The following ZNF443 variants were observed in gnomAD, a reference collection of about 807,000 sequenced individuals.
The protein encoded by ZNF443 is Kruppel-type zinc finger (C2H2).
Under a neutral mutation model 12.0 loss-of-function variants are expected in ZNF443, and 3 were observed. That is an observed-to-expected ratio of 0.25 (90% CI 0.11 to 0.64). The LOEUF is 0.64. Among genes scored for constraint, ZNF443 ranks in the 30% least tolerant of loss-of-function variants. The probability of loss-of-function intolerance (pLI) is 0.84; values close to 1 mark genes in which losing one functional copy is unlikely to be tolerated. For missense variants in ZNF443, 770 were observed against 808.8 expected (o/e 0.95, Z 0.58); for synonymous variants, 225 against 265.9 (o/e 0.85, Z 1.50).
rs956895903 is a variant in ZNF443, at chr19:12,431,771, T to A, written c.401A>T (p.His134Leu). 20 of 1,614,048 alleles carry A rather than the reference T, an allele frequency of 1.2e-5. No individual in the cohort carries two copies. The highest frequency in any genetic ancestry group is 1.2e-4 in the Admixed American group (7 of 60,004). ...CGTATCTGGCTTCTCTCCACATTCATGATACTCATGTGGTTTGTGCCCAGC... is the reference window on the plus strand; with the variant it reads ...CGTATCTGGCTTCTCTCCACATTCAAGATACTCATGTGGTTTGTGCCCAGC... ...VGAGHKPHEYHECGEKPDTHK... is the reference protein window; with the variant it reads ...VGAGHKPHEYLECGEKPDTHK... Residue 134 changes from histidine (H) to leucine (L), a missense_variant, in exon 4 of 4, where the codon CAT becomes CTT. His to Leu is a moderately conservative substitution (Grantham distance 99). Coordinates refer to ENST00000301547, the MANE Select transcript of ZNF443 (RefSeq NM_005815.5).
chr19:12,430,355 TG>T lies in ZNF443; in HGVS notation c.1816del (p.His606MetfsTer104). ...AFTHSRFLQG[H>X]EKTHTGENPY... The stretch of plus-strand genomic sequence containing the variant: ...GTTCTCTCCAGTATGAGTTTTTTCA[TG>T]TCCTTGAAGAAAACGGGAATGAGTG... On this transcript the variant is annotated frameshift_variant, in exon 4 of 4. Transcript: ENST00000301547. LOFTEE classifies it low-confidence loss of function (END_TRUNC). 1 of 1,613,758 alleles carries T rather than the reference TG, an allele frequency of 6.2e-7. No homozygotes were observed. The highest frequency in any genetic ancestry group is 1.7e-5 in the Admixed American group (1 of 59,990).
rs769363844 is a variant in ZNF443 at position 12,431,032 on chromosome 19, C to T, written c.1140G>A (p.Leu380=). ...CGKGFDCPSS[L]QSHERTHTGE... ...CAGTGTGAGTTCTTTCATGACTTTGCAGTGAACTAGGACAATCAAAGCCTT... is the reference window on the plus strand; with the variant it reads ...CAGTGTGAGTTCTTTCATGACTTTGTAGTGAACTAGGACAATCAAAGCCTT... Residue 380 remains leucine (L), a synonymous_variant, in exon 4 of 4, where the codon CTG becomes CTA. Transcript: ENST00000301547. 1 of 1,612,270 alleles carries T rather than the reference C, an allele frequency of 6.2e-7. No homozygotes were observed. The highest frequency in any genetic ancestry group is 1.1e-5 in the South Asian group (1 of 90,976).
At chr19:12,435,473 C>T (rs1221849443) in intron 1 of ZNF443, among the ~76,000 whole-genome samples, 2 of 152,214 alleles carry the variant, frequency 1.3e-5, no homozygotes, top group Non-Finnish European at 2.9e-5. Flanking sequence ...TATCAGGGTA[C>T]TCAAAAGCAC....
intron 1 of ZNF443, among the ~76,000 whole-genome samples, chr19:12,436,035 T>C (rs1970304500): frequency 6.6e-6 from 1 of 151,776 alleles, no homozygotes; most frequent in East Asian, 1.9e-4. Context: ...ATAATTGAGA[T>C]AAGCCATCTC....
chr19:12,438,945 T>A (rs1970339907), intron 1 of ZNF443, among the ~76,000 whole-genome samples: 1 of 151,528 alleles, frequency 6.6e-6, no homozygotes, highest in South Asian at 2.1e-4. Context: ...CTGAAAAGAG[T>A]AAACATATCT....
chr19:12,434,918 T>C (rs1189784521), intron 1 of ZNF443, among the ~76,000 whole-genome samples: 1 of 149,910 alleles, frequency 6.7e-6, no homozygotes, highest in Non-Finnish European at 1.5e-5. Flanking sequence ...CCAATCTGTA[T>C]AAGCACTATC....
In ZNF443 at chr19:12,430,277, T is replaced by C. The variant is rs1201717103; in HGVS notation, c.1895A>G (p.His632Arg). 2 of 1,613,880 alleles carry C rather than the reference T, an allele frequency of 1.2e-6. No individual in the cohort carries two copies. Among genetic ancestry groups the C allele is most frequent in the Non-Finnish European group, 1.7e-6 (2 of 1,179,900 alleles). ...TTTCCAGTGAGTCTTTTTATGTCTA[T>C]GCAAGGAACTGAGAGAAGCAAATGC... ...GKAFASLSSLHRHKKTHWKKT... is the reference protein window; with the variant it reads ...GKAFASLSSLRRHKKTHWKKT... The change falls in exon 4 of 4, where the codon CAT becomes CGT. Residue 632 changes from histidine to arginine, a missense_variant. His to Arg is a conservative substitution (Grantham distance 29, BLOSUM62 0). Transcript: ENST00000301547.
Position 12,431,578 on chromosome 19 carries a change from T to A in ZNF443, c.594A>T (p.Lys198Asn), listed in dbSNP as rs1414474035. ...MAVQRGDGPY[K>N]CKLCGKAFFW... is the part of the protein sequence containing the mutation. ...AAAACGCTTTCCCACACAACTTACA[T>A]TTATAAGGTCCATCTCCACGCTGCA... The change falls in exon 4 of 4, where the codon AAA becomes AAT. Residue 198 changes from lysine (K) to asparagine (N), a missense_variant. Transcript: ENST00000301547. 6 of 1,614,040 alleles carry A rather than the reference T, an allele frequency of 3.7e-6. No homozygotes were observed. Among genetic ancestry groups the A allele is most frequent in the Middle Eastern group, 3.3e-4 (2 of 6,084 alleles).
intron 1 of ZNF443, among the ~76,000 whole-genome samples, chr19:12,433,578 T>C (rs1181937502): frequency 2.0e-5 from 3 of 152,172 alleles, no homozygotes; most frequent in African/African-American, 7.2e-5. Flanking sequence ...TCCTTACAAA[T>C]GCTTTTTCAC....
At chr19:12,436,449 C>G (rs1183503466) in intron 1 of ZNF443, among the ~76,000 whole-genome samples, 1 of 151,684 alleles carries the variant, frequency 6.6e-6, no homozygotes, top group African/African-American at 2.4e-5. Flanking sequence ...CACTGCACTT[C>G]AGCCTGGGCA....
chr19:12,430,944 T>A lies in ZNF443; in HGVS notation c.1228A>T (p.Ser410Cys), dbSNP rs745672601. 2 of 1,613,758 alleles carry A rather than the reference T, an allele frequency of 1.2e-6. No individual in the cohort carries two copies. Among genetic ancestry groups the A allele is most frequent in the East Asian group, 4.5e-5 (2 of 44,858 alleles). Residue 410 changes from serine (S) to cysteine (C), a missense_variant, in exon 4 of 4, where the codon AGT (serine) becomes TGT (cysteine). By Grantham distance (112) the Ser-to-Cys change is moderately radical. Coordinates refer to ENST00000301547, the MANE Select transcript of ZNF443 (RefSeq NM_005815.5). ...TCTCCAGTGTGCATTATCATATGAC[T>A]TCGAAAGCTTGAGCGATGAGATAAT... ...KALSHRSSFR[S>C]HMIMHTGDGP...
intron 1 of ZNF443, among the ~76,000 whole-genome samples, chr19:12,438,088 T>C (rs948039301): frequency 4.9e-5 from 7 of 141,788 alleles, no homozygotes; most frequent in African/African-American, 1.4e-4. Flanking sequence ...ACAACAGAGA[T>C]GCTGTCTCAA....
chr19:12,434,791 CT>C (rs1358016478), intron 1 of ZNF443, among the ~76,000 whole-genome samples: 2 of 152,026 alleles, frequency 1.3e-5, no homozygotes, highest in African/African-American at 4.8e-5. Flanking sequence ...GGCCCAATCT[CT>C]CCCCCATCAA....
intron 1 of ZNF443, among the ~76,000 whole-genome samples, chr19:12,433,886 T>G (rs1970283115): frequency 6.6e-6 from 1 of 151,812 alleles, no homozygotes; most frequent in African/African-American, 2.4e-5. Context: ...AAGAGGTGAT[T>G]TAGTTCTGAG....
rs376109976 is a variant in ZNF443, at chr19:12,430,915, T to C, written c.1257A>G (p.Gly419=). 41 of 1,613,934 alleles carry C rather than the reference T, an allele frequency of 2.5e-5. No individual in the cohort carries two copies. Among genetic ancestry groups the C allele is most frequent in the Non-Finnish European group, 3.5e-5 (41 of 1,179,978 alleles). ...TCCCACATACCTTGCATTTATGAGG[T>C]CCATCTCCAGTGTGCATTATCATAT... is the stretch of plus-strand genomic sequence containing the variant. The part of the protein sequence containing the change: ...RSHMIMHTGD[G]PHKCKVCGKA... The change falls in exon 4 of 4, where the codon GGA becomes GGG. Residue 419 remains glycine, a synonymous_variant. Coordinates refer to ENST00000301547, the MANE Select transcript of ZNF443 (RefSeq NM_005815.5).
intron 1 of ZNF443, among the ~76,000 whole-genome samples, chr19:12,437,173 A>G (rs1433340711): frequency 6.6e-6 from 1 of 152,136 alleles, no homozygotes; most frequent in Non-Finnish European, 1.5e-5. Flanking sequence ...AGGATTGCTT[A>G]AGATCAAGAC....
chr19:12,435,318 G>T (rs1970298014), intron 1 of ZNF443, among the ~76,000 whole-genome samples: 1 of 151,838 alleles, frequency 6.6e-6, no homozygotes, highest in African/African-American at 2.4e-5. Context: ...ACACGATCAG[G>T]GTCCAATTTG....
In ZNF443 at chr19:12,430,154, T is replaced by C. The variant is rs1970232927; in HGVS notation, c.*2A>G. 5 of 1,612,522 alleles carry C rather than the reference T, an allele frequency of 3.1e-6. No individual in the cohort carries two copies. The highest frequency in any genetic ancestry group is 1.3e-5 in the African/African-American group (1 of 74,802). ...CCACATTCCATACATTTAGAGAGAA[T>C]GCTAGTGAGTCTTTTTATGTCTATG... On this transcript the variant is annotated 3_prime_UTR_variant, in exon 4 of 4. Transcript: ENST00000301547.
chr19:12,440,831 G>T, intron 1 of ZNF443, 81 bp downstream of exon 1: 4 of 1,609,996 alleles, frequency 2.5e-6, no homozygotes, highest in South Asian at 1.1e-5. Context: ...CCTTGGGGAG[G>T]CCCGGGTCCA....
Sources: gnomAD v4.1 joint callset for allele counts (sites outside exome capture counted in the v4.1 genomes callset) on GRCh38, gnomAD v4.1.1 for gene constraint, MANE v1.5 for transcripts, NCBI Gene and HGNC (gene_info 2026-07-23, HGNC 2026-07-21) for gene names.